SCNN1G: variants seen among roughly 807,000 people sequenced by gnomAD.
The protein encoded by SCNN1G is epithelial sodium channel subunit gamma.
A neutral mutation model predicts 64.6 loss-of-function variants in SCNN1G; 27 were observed. The ratio of observed to expected loss-of-function variants is 0.42; its 90% CI spans 0.31 to 0.58. The LOEUF (loss-of-function observed/expected upper bound fraction) is 0.58. Ranked by LOEUF, SCNN1G falls within the 20% of genes least tolerant of loss-of-function variation. The pLI is 0.18. For synonymous variants in SCNN1G, 330 were observed against 314.2 expected (o/e 1.05, Z -0.53); for missense variants, 743 against 823.4 (o/e 0.90, Z 1.19).
At chr16:23,184,725 C>T (rs1444001162) in intron 1 of SCNN1G, among the ~76,000 whole-genome samples, 1 of 149,902 alleles carries the variant, frequency 6.7e-6, no homozygotes, top group East Asian at 1.9e-4. Flanking sequence ...AATTTTAGCC[C>T]ATATTTCATG....
rs147373824 is a variant in SCNN1G, at chr16:23,190,603, G to A, written c.618+932G>A. ...GGACTATCTGGTTGGTCAAGCTTGG[G>A]TCACCTAATCACCCTTTGGCTAATG... On this transcript the variant is annotated intron_variant, in intron 3 of 12. Transcript: ENST00000300061. 2.4e-3 allele frequency among the ~76,000 whole-genome samples: 367 copies of A among 152,218 alleles called. 2 individuals carry two copies. Among genetic ancestry groups the A allele is most frequent in the African/African-American group, 8.4e-3 (347 of 41,526 alleles).
chr16:23,202,695 A>T (rs898447477), intron 6 of SCNN1G, among the ~76,000 whole-genome samples: 5 of 152,232 alleles, frequency 3.3e-5, no homozygotes, highest in Non-Finnish European at 7.3e-5. Flanking sequence ...AATAGATTTC[A>T]CGGATATTAT....
intron 6 of SCNN1G, among the ~76,000 whole-genome samples, chr16:23,200,411 G>A (rs1959870288): frequency 6.6e-6 from 1 of 152,176 alleles, no homozygotes; most frequent in African/African-American, 2.4e-5. Context: ...AGAATTAGAG[G>A]AAAAGCTAAT....
At chr16:23,194,141 C>A (rs780720255) in intron 4 of SCNN1G, 30 bp from the exon 5 acceptor site, 5 of 1,469,782 alleles carry the variant, frequency 3.4e-6, no homozygotes, top group Non-Finnish European at 4.8e-6. Flanking sequence ...TGGGGGAGAT[C>A]CCTTTCTGAC....
intron 1 of SCNN1G, among the ~76,000 whole-genome samples, chr16:23,183,528 C>T (rs1003382700): frequency 6.6e-6 from 1 of 152,062 alleles, no homozygotes; most frequent in African/African-American, 2.4e-5. Context: ...CAGGCAAAGT[C>T]GGTGGTAGGT....
At chr16:23,207,129 A>G (rs185938850) in intron 6 of SCNN1G, among the ~76,000 whole-genome samples, 5 of 152,346 alleles carry the variant, frequency 3.3e-5, no homozygotes, top group African/African-American at 9.6e-5. Flanking sequence ...TTGAGTACTC[A>G]GAAAGCGTTG....
At chr16:23,211,644 T>C (rs1447884522) in intron 7 of SCNN1G, among the ~76,000 whole-genome samples, 1 of 152,006 alleles carries the variant, frequency 6.6e-6, no homozygotes, top group African/African-American at 2.4e-5. Flanking sequence ...ACCCTGTCTC[T>C]ACCAAAAATA....
At chr16:23,208,293 C>A (rs1194767696) in intron 6 of SCNN1G, among the ~76,000 whole-genome samples, 1 of 151,960 alleles carries the variant, frequency 6.6e-6, no homozygotes, top group East Asian at 1.9e-4. Context: ...GCTGTAGTGA[C>A]CCTTGATTGT....
At position 23,189,273 on chromosome 16, in the gene SCNN1G, G is replaced by A. The variant is rs963605098; in HGVS notation, c.318-98G>A. ...CCAAGGAGTTGGGAAAGGTGGGCAT[G>A]AGGCTGACACGTGTTGATGGAAAAC... is the stretch of plus-strand genomic sequence containing the variant. On this transcript the variant is annotated intron_variant, in intron 2 of 12. Coordinates refer to ENST00000300061, the MANE Select transcript of SCNN1G (RefSeq NM_001039.4). 7.1e-6 allele frequency: 9 copies of A among 1,267,350 alleles called. No individual in the cohort carries two copies. In the African/African-American group the frequency reaches 1.2e-4, roughly 17 times the overall value. The allele number at this position is 1,267,350 out of a possible 1,614,324, so 78.5% of individuals were successfully genotyped here. A position where few individuals can be genotyped will look rare whatever the true frequency, so the allele number is the denominator to read the frequency against.
intron 12 of SCNN1G, 136 bp downstream of exon 12, chr16:23,214,923 G>C (rs1960135167): frequency 9.1e-7 from 1 of 1,095,178 alleles, no homozygotes; most frequent in South Asian, 1.3e-5. Context: ...CCAGGTCTCA[G>C]GTCGGAATGC....
chr16:23,194,045 G>C, intron 4 of SCNN1G, 126 bp from the exon 5 acceptor site: 1 of 736,228 alleles, frequency 1.4e-6, no homozygotes. Flanking sequence ...AGCAAGATGG[G>C]GAAAATGAGT....
At chr16:23,209,892 G>C in intron 7 of SCNN1G, 44 bp downstream of exon 7, 1 of 1,364,068 alleles carries the variant, frequency 7.3e-7, no homozygotes, top group Non-Finnish European at 1.0e-6. Context: ...TTATGGCCCG[G>C]ACCCAGGAGA....
At chr16:23,188,582 T>C (rs1330461417) in intron 2 of SCNN1G, among the ~76,000 whole-genome samples, 1 of 152,198 alleles carries the variant, frequency 6.6e-6, no homozygotes, top group African/African-American at 2.4e-5. Flanking sequence ...TTATATTTAA[T>C]AAACTCATTG....
chr16:23,211,294 T>C (rs1960075318), intron 7 of SCNN1G, among the ~76,000 whole-genome samples: 1 of 152,246 alleles, frequency 6.6e-6, no homozygotes, highest in African/African-American at 2.4e-5. Context: ...TTTTATGCTA[T>C]AAGCTCCATG....
chr16:23,214,914 C>A, intron 12 of SCNN1G, 127 bp downstream of exon 12: 1 of 1,077,334 alleles, frequency 9.3e-7, no homozygotes, highest in Non-Finnish European at 1.4e-6. Flanking sequence ...GTAGGCTAGC[C>A]AGGTCTCAGG....
At chr16:23,213,252 CTTTTTT>C in intron 11 of SCNN1G, 89 bp downstream of exon 11, 1 of 533,830 alleles carries the variant, frequency 1.9e-6, no homozygotes, top group Non-Finnish European at 3.3e-6. Context: ...GCCAAATCCT[CTTTTTT>C]TTTTTTTTTT....
rs757777625 is a variant in SCNN1G, at chr16:23,215,495, T to C, written c.*26T>C. ...GGCAGGGTTGAGAAGACAGATCTAG[T>C]CAGGACCACCAGCCATGGTCTAAGG... On this transcript the variant is annotated 3_prime_UTR_variant, in exon 13 of 13. Coordinates refer to ENST00000300061, the MANE Select transcript of SCNN1G (RefSeq NM_001039.4). The C allele has an allele frequency of 6.2e-6, 10 of 1,602,468 alleles. No individual in the cohort carries two copies. Among genetic ancestry groups the C allele is most frequent in the Non-Finnish European group, 7.6e-6 (9 of 1,179,852 alleles).
In SCNN1G at chr16:23,194,203, G is replaced by T; in HGVS notation, c.842G>T (p.Gly281Val). ...ACGCTTTTCCACCACCCGATGCATGGGAATTGCTATACTTTCAACAACAGA... is the reference window on the plus strand; with the variant it reads ...ACGCTTTTCCACCACCCGATGCATGTGAATTGCTATACTTTCAACAACAGA... The part of the protein sequence containing the change: ...NFTLFHHPMH[G>V]NCYTFNNREN... The change falls in exon 5 of 13, where the codon GGG (glycine) becomes GTG (valine). Residue 281 changes from glycine (G) to valine (V), a missense_variant. Coordinates refer to ENST00000300061, the MANE Select transcript of SCNN1G (RefSeq NM_001039.4). The T allele has an allele frequency of 1.2e-6, 2 of 1,613,888 alleles. No homozygotes were observed. The highest frequency in any genetic ancestry group is 1.7e-6 in the Non-Finnish European group (2 of 1,179,910).
rs767064525 is a variant in SCNN1G at position 23,209,842 on chromosome 16, G to T, written c.1170G>T (p.Ser390=). 1.2e-6 allele frequency: 2 copies of T among 1,612,358 alleles called. No homozygotes were observed. Among genetic ancestry groups the T allele is most frequent in the East Asian group, 4.5e-5 (2 of 44,874 alleles). ...GGAACATCTACAACGCTGCCTACTCGCTCCAGGTAACAGATTGGCAGGGGC... is the reference window on the plus strand; with the variant it reads ...GGAACATCTACAACGCTGCCTACTCTCTCCAGGTAACAGATTGGCAGGGGC... ...PIRNIYNAAY[S]LQICLHSCFQ... Residue 390 remains serine, a synonymous_variant, in exon 7 of 13, where the codon TCG becomes TCT. Coordinates refer to ENST00000300061, the MANE Select transcript of SCNN1G (RefSeq NM_001039.4).
Sources: allele counts gnomAD v4.1 joint callset (sites outside exome capture counted in the v4.1 genomes callset), GRCh38; gene constraint gnomAD v4.1.1; transcripts MANE v1.5; gene names NCBI Gene and HGNC (gene_info 2026-07-23, HGNC 2026-07-21).